Variants in NEB observed in about 807,000 individuals in gnomAD.
NEB encodes nemaline myopathy type 2.
NEB carries 512 observed loss-of-function variants against 952.2 expected under a neutral mutation model. The ratio of observed to expected loss-of-function variants is 0.54; its 90% CI spans 0.50 to 0.58. NEB has a LOEUF of 0.58. NEB is among the 20% of genes least tolerant of loss of function. The pLI is 0.00. For synonymous variants in NEB, 2,900 were observed against 3,149.8 expected, an observed-to-expected ratio of 0.92 and a Z score of 2.66; for missense variants, 8,428 against 9,231.1, an observed-to-expected ratio of 0.91 and a Z score of 3.56.
Position 151,636,277 on chromosome 2 carries a change from C to A in NEB, c.9052G>T (p.Asp3018Tyr). ...AKKKGYDLRSDAIPIVAAKAS... is the reference protein window; with the variant it reads ...AKKKGYDLRSYAIPIVAAKAS... The stretch of plus-strand genomic sequence containing the variant: ...TTGGCCGCCACGATGGGGATGGCGT[C>A]GCTTCGCAAGTCATAGCCTTTCTTC... Residue 3018 changes from aspartate to tyrosine, a missense_variant, in exon 64 of 182, where the codon GAC becomes TAC. Physicochemically the swap from Asp to Tyr is radical, Grantham distance 160. Around this residue, in one of 11 missense-constraint regions of NEB, gnomAD observed 1,772 missense variants for 1,960.3 expected, o/e 0.90. Coordinates refer to ENST00000397345, the MANE Select transcript of NEB (RefSeq NM_001164508.2). The A allele has an allele frequency of 1.2e-6, 2 of 1,610,212 alleles. No homozygotes were observed. Among genetic ancestry groups the A allele is most frequent in the Admixed American group, 3.3e-5 (2 of 60,016 alleles).
chr2:151,493,841 T>C lies in NEB; in HGVS notation c.24606A>G (p.Lys8202=), dbSNP rs761076471. The C allele has an allele frequency of 1.3e-6, 2 of 1,577,312 alleles. No homozygotes were observed. Among genetic ancestry groups the C allele is most frequent in the African/African-American group, 1.3e-5 (1 of 74,140 alleles). ...SSVLYKENLG[K]ATPTPFTPEM... ...CAGGAGTAAAGGGTGTGGGGGTTGC[T>C]TTCCCCAGGTTCTCTTTGTATAACA... The change falls in exon 175 of 182, where the codon AAA becomes AAG. Residue 8202 remains lysine (K), a synonymous_variant. Transcript: ENST00000397345.
intron 27 of NEB, 50 bp downstream of exon 27, chr2:151,687,369 G>C: frequency 6.7e-7 from 1 of 1,494,404 alleles, no homozygotes. Context: ...CTTGGGCATC[G>C]TAACAGGGAG....
chr2:151,717,446 A>G lies in NEB; in HGVS notation c.792T>C (p.Phe264=). ...TCACTTGATTGGTTACTTTCTTGGCAAATTCTATATCTGGAGGATCAGCCA... is the reference window on the plus strand; with the variant it reads ...TCACTTGATTGGTTACTTTCTTGGCGAATTCTATATCTGGAGGATCAGCCA... ...TPLADPPDIE[F]AKKVTNQVSK... is the part of the protein sequence containing the mutation. Residue 264 remains phenylalanine, a synonymous_variant, in exon 10 of 182, where the codon TTT becomes TTC. Coordinates refer to ENST00000397345, the MANE Select transcript of NEB (RefSeq NM_001164508.2). 1 of 1,613,888 alleles carries G rather than the reference A, an allele frequency of 6.2e-7. No individual in the cohort carries two copies. The highest frequency in any genetic ancestry group is 8.5e-7 in the Non-Finnish European group (1 of 1,179,774).
intron 110 of NEB, 109 bp downstream of exon 110, chr2:151,569,159 G>C: frequency 1.2e-6 from 1 of 867,330 alleles, no homozygotes. Flanking sequence ...TTAAATCACA[G>C]CAATTGAAAT....
chr2:151,551,054 G>C (rs1577158519), intron 129 of NEB, among the ~76,000 whole-genome samples: 1 of 151,202 alleles, frequency 6.6e-6, no homozygotes, highest in East Asian at 1.9e-4. Context: ...TGCAACCTCC[G>C]CCCCCTGGGT....
At chr2:151,541,909 A>C (rs2094122179) in intron 135 of NEB, among the ~76,000 whole-genome samples, 1 of 152,096 alleles carries the variant, frequency 6.6e-6, no homozygotes, top group Non-Finnish European at 1.5e-5. Flanking sequence ...AAACAGACTC[A>C]AGACCTCCTG....
chr2:151,724,885 G>T lies in NEB; in HGVS notation c.479C>A (p.Ala160Glu). The change falls in exon 7 of 182, where the codon GCA becomes GAA. Residue 160 changes from alanine (A) to glutamate (E), a missense_variant. By Grantham distance (107) the Ala-to-Glu change is moderately radical. Around this residue, in one of 11 missense-constraint regions of NEB, gnomAD observed 2,851 missense variants for 2,791.5 expected, o/e 1.02. Transcript: ENST00000397345. ...VDEKAKDIEH[A>E]KKVSQQVSKV... ...ACTGACTTGCTGCGACACTTTCTTT[G>T]CATGTTCAATATCCTTTGCTTTTTC... The T allele has an allele frequency of 6.2e-7, 1 of 1,613,652 alleles. No homozygotes were observed. The highest frequency in any genetic ancestry group is 8.5e-7 in the Non-Finnish European group (1 of 1,179,764).
Position 151,640,530 on chromosome 2 carries a change from T to C in NEB, c.8510A>G (p.Glu2837Gly), listed in dbSNP as rs766102316. Residue 2837 changes from glutamate to glycine, a missense_variant, in exon 61 of 182, where the codon GAG (glutamate) becomes GGG (glycine). This residue lies in a region of NEB where 1,772 missense variants were observed against 1,960.3 expected (regional missense o/e 0.90). Coordinates refer to ENST00000397345, the MANE Select transcript of NEB (RefSeq NM_001164508.2). ...GCTGCTGAACTTGGTCTTCCACTTCTCAAAGTCCTTCTTGTACTCCCTGTC... is the reference window on the plus strand; with the variant it reads ...GCTGCTGAACTTGGTCTTCCACTTCCCAAAGTCCTTCTTGTACTCCCTGTC... ...QSDREYKKDF[E>G]KWKTKFSSPV... 1 of 1,613,940 alleles carries C rather than the reference T, an allele frequency of 6.2e-7. No individual in the cohort carries two copies. Among genetic ancestry groups the C allele is most frequent in the Admixed American group, 1.7e-5 (1 of 60,008 alleles).
At chr2:151,496,229 T>C in intron 173 of NEB, 47 bp downstream of exon 173, 1 of 1,466,720 alleles carries the variant, frequency 6.8e-7, no homozygotes, top group African/African-American at 1.4e-5. Context: ...ATCATAAAAG[T>C]AGTTTTTAAA....
rs149353499 is a variant in NEB, at chr2:151,631,987, G to A, written c.9415-641C>T. Among the ~76,000 whole-genome samples, 1,308 of 152,174 alleles carry A rather than the reference G, an allele frequency of 8.6e-3. 13 individuals are homozygous for A. Among genetic ancestry groups the A allele is most frequent in the Middle Eastern group, 0.048 (14 of 294 alleles). ...AGTGCTGTAGAACCCCTGAAGCCCTGAGATCTTCAACAGCTGTAACTCTGT... is the reference window on the plus strand; with the variant it reads ...AGTGCTGTAGAACCCCTGAAGCCCTAAGATCTTCAACAGCTGTAACTCTGT... On this transcript the variant is annotated intron_variant, in intron 65 of 181. Coordinates refer to ENST00000397345, the MANE Select transcript of NEB (RefSeq NM_001164508.2).
rs746737604 is a variant in NEB, at chr2:151,570,350, C to T, written c.17161G>A (p.Val5721Met). ...TCATCCCTGGCTGTGAGGGTGCCCA[C>T]GTAGTGTCCCTTCTGCTTCTCATGG... ...LDHEKQKGHYVGTLTARDDNK... is the reference protein window; with the variant it reads ...LDHEKQKGHYMGTLTARDDNK... The change falls in exon 109 of 182, where the codon GTG (valine) becomes ATG (methionine). Residue 5721 changes from valine to methionine, a missense_variant. Transcript: ENST00000397345. The T allele has an allele frequency of 6.3e-6, 10 of 1,595,598 alleles. No homozygotes were observed. Among genetic ancestry groups the T allele is most frequent in the South Asian group, 2.3e-5 (2 of 88,678 alleles).
At position 151,620,377 on chromosome 2, in the gene NEB, ATATATATATATATATT is replaced by A. The variant is rs1411713028; in HGVS notation, c.10560+526_10560+541del. 2.7e-4 allele frequency among the ~76,000 whole-genome samples: 22 copies of A among 82,560 alleles called. 2 individuals carry two copies. The highest frequency in any genetic ancestry group is 5.4e-4 in the Admixed American group (3 of 5,590). 54.2% of individuals were successfully genotyped at this position (82,560 alleles called of 152,430 possible). ...TATATATATATATATATATATATAT[ATATATATATATATATT>A]TAACCAGAATTTAAACATTTAAAAA... On this transcript the variant is annotated intron_variant, in intron 72 of 181. Transcript: ENST00000397345.
At chr2:151,724,464 G>A in intron 7 of NEB, 100 bp from the exon 8 acceptor site, 1 of 852,336 alleles carries the variant, frequency 1.2e-6, no homozygotes, top group Non-Finnish European at 2.0e-6. Context: ...CTTGCTCAGA[G>A]GTTGCCAATG....
intron 52 of NEB, among the ~76,000 whole-genome samples, chr2:151,652,012 G>T (rs2154138128): frequency 6.6e-6 from 1 of 152,158 alleles, no homozygotes; most frequent in East Asian, 1.9e-4. Context: ...GAAGATTGAA[G>T]AATTTATAAA....
chr2:151,499,005 G>A (rs2062395926), intron 169 of NEB, among the ~76,000 whole-genome samples: 1 of 148,754 alleles, frequency 6.7e-6, no homozygotes, highest in Non-Finnish European at 1.5e-5. Flanking sequence ...TTAAGCTTTA[G>A]GTTCAGATCA....
Position 151,695,619 on chromosome 2 carries a change from C to T in NEB, c.1633G>A (p.Ala545Thr). Reference sequence around the variant, plus strand: ...GCATTGACTTTGTGCTGGATAAAAGCAGGAGTATCAGGGGGGATATGGCAC... The same window carrying T: ...GCATTGACTTTGTGCTGGATAAAAGTAGGAGTATCAGGGGGGATATGGCAC... Reference protein sequence around the residue: ...FKCHIPPDTPAFIQHKVNAYN... With the variant: ...FKCHIPPDTPTFIQHKVNAYN... The change falls in exon 18 of 182, where the codon GCT (alanine) becomes ACT (threonine). Residue 545 changes from alanine (A) to threonine (T), a missense_variant. Physicochemically the swap from Ala to Thr is moderately conservative, Grantham distance 58. Transcript: ENST00000397345. 6.2e-7 allele frequency: 1 copy of T among 1,613,870 alleles called. No homozygotes were observed. Among genetic ancestry groups the T allele is most frequent in the Non-Finnish European group, 8.5e-7 (1 of 1,179,838 alleles).
intron 145 of NEB, among the ~76,000 whole-genome samples, chr2:151,530,020 G>T (rs575357270): frequency 1.6e-4 from 24 of 152,264 alleles, no homozygotes; most frequent in Non-Finnish European, 2.6e-4. Context: ...TGCTCCGGCA[G>T]TTATAGCTAT....
chr2:151,658,557 G>A (rs557363591), intron 47 of NEB, among the ~76,000 whole-genome samples: 3 of 152,080 alleles, frequency 2.0e-5, no homozygotes, highest in East Asian at 3.9e-4. Flanking sequence ...ATAAAAATAG[G>A]ATTAGAGGAT....
intron 157 of NEB, among the ~76,000 whole-genome samples, 167 bp from the exon 158 acceptor site, chr2:151,515,095 TTGTC>T (rs1361275401): frequency 1.3e-5 from 2 of 152,184 alleles, no homozygotes; most frequent in African/African-American, 2.4e-5. Context: ...TTGAAATACT[TTGTC>T]TGGAGCAAAT....
Sources: gnomAD v4.1 joint callset for allele counts (sites outside exome capture counted in the v4.1 genomes callset) on GRCh38, gnomAD v4.1.1 for gene constraint, gnomAD v4.1.1 regional missense constraint, MANE v1.5 for transcripts, NCBI Gene and HGNC (gene_info 2026-07-23, HGNC 2026-07-21) for gene names.